Variants in ZFPM2 observed in about 807,000 individuals in gnomAD.
ZFPM2 encodes the protein zinc finger protein, FOG family member 2.
Under a neutral mutation model 98.6 loss-of-function variants are expected in ZFPM2, and 20 were observed. The ratio of observed to expected loss-of-function variants is 0.20; its 90% CI spans 0.14 to 0.29. The LOEUF (loss-of-function observed/expected upper bound fraction) is 0.29. Among genes scored for constraint, ZFPM2 ranks in the 10% least tolerant of loss-of-function variants. The pLI, the probability that ZFPM2 is intolerant of heterozygous loss-of-function variation, is 1.00. For synonymous variants in ZFPM2, 518 were observed against 502.7 expected, an observed-to-expected ratio of 1.03 and a Z score of -0.41; for missense variants, 1,310 against 1,388.6, an observed-to-expected ratio of 0.94 and a Z score of 0.90.
intron 6 of ZFPM2, 194 bp from the exon 7 acceptor site, chr8:105,798,530 A>G: frequency 1.9e-6 from 1 of 518,430 alleles, no homozygotes; most frequent in South Asian, 3.4e-5. Context: ...GTGGGAAGTT[A>G]AATTGCAGAG....
At chr8:105,699,942 A>G (rs1322587444) in intron 5 of ZFPM2, among the ~76,000 whole-genome samples, 1 of 152,208 alleles carries the variant, frequency 6.6e-6, no homozygotes, top group African/African-American at 2.4e-5. Flanking sequence ...TAAACTCAGA[A>G]TTATTATTGA....
chr8:105,730,353 A>G (rs1371679953), intron 5 of ZFPM2, among the ~76,000 whole-genome samples: 1 of 151,774 alleles, frequency 6.6e-6, no homozygotes, highest in Non-Finnish European at 1.5e-5. Flanking sequence ...CTATTGGACT[A>G]TTTAATTCCA....
intron 3 of ZFPM2, among the ~76,000 whole-genome samples, chr8:105,487,143 C>T (rs1484173630): frequency 1.3e-5 from 2 of 152,100 alleles, no homozygotes; most frequent in Admixed American, 6.5e-5. Context: ...GATAGAGTCT[C>T]TCTCTGCCAC....
chr8:105,585,865 G>C (rs1375650627), intron 4 of ZFPM2, among the ~76,000 whole-genome samples: 1 of 151,982 alleles, frequency 6.6e-6, no homozygotes, highest in Non-Finnish European at 1.5e-5. Context: ...AAAATATAAA[G>C]AGAACCTAAG....
intron 1 of ZFPM2, among the ~76,000 whole-genome samples, chr8:105,353,029 C>T (rs1390546206): frequency 2.0e-5 from 3 of 152,142 alleles, no homozygotes; most frequent in Admixed American, 2.0e-4. Flanking sequence ...TGAAAACATA[C>T]TACCTAGAGA....
chr8:105,494,784 GGAT>G (rs1399195532), intron 3 of ZFPM2, among the ~76,000 whole-genome samples: 3 of 152,036 alleles, frequency 2.0e-5, no homozygotes, highest in African/African-American at 7.2e-5. Flanking sequence ...GCTTAGGGCA[GGAT>G]TTGGAAACCT....
chr8:105,566,160 A>T (rs1427709751), intron 4 of ZFPM2, among the ~76,000 whole-genome samples: 2 of 152,166 alleles, frequency 1.3e-5, no homozygotes, highest in Admixed American at 6.5e-5. Context: ...TGTTAATTTC[A>T]TTCAGAAACG....
intron 3 of ZFPM2, among the ~76,000 whole-genome samples, chr8:105,464,085 C>T: frequency 6.6e-6 from 1 of 152,004 alleles, no homozygotes; most frequent in East Asian, 1.9e-4. Flanking sequence ...TTGGGACTTG[C>T]CTTCCACAGA....
intron 4 of ZFPM2, among the ~76,000 whole-genome samples, chr8:105,592,983 A>G (rs553032566): frequency 4.6e-5 from 7 of 152,230 alleles, no homozygotes; most frequent in African/African-American, 1.2e-4. Flanking sequence ...AAGTTTGCAT[A>G]TTTTTGTTAT....
intron 5 of ZFPM2, among the ~76,000 whole-genome samples, chr8:105,714,157 T>G (rs182030859): frequency 6.6e-6 from 1 of 152,190 alleles, no homozygotes; most frequent in African/African-American, 2.4e-5. Flanking sequence ...TAATTCTCCT[T>G]GTAGAGATCT....
chr8:105,667,213 T>C (rs1193319693), intron 5 of ZFPM2, among the ~76,000 whole-genome samples: 1 of 152,182 alleles, frequency 6.6e-6, no homozygotes, highest in Non-Finnish European at 1.5e-5. Context: ...AAATTAGAAT[T>C]TTTGAAATTC....
intron 3 of ZFPM2, among the ~76,000 whole-genome samples, chr8:105,482,364 C>T (rs973073242): frequency 6.6e-6 from 1 of 152,036 alleles, no homozygotes; most frequent in Non-Finnish European, 1.5e-5. Flanking sequence ...ATGAATGTAG[C>T]ATACAGGCAG....
rs143621882 is a variant in ZFPM2 at position 105,574,872 on chromosome 8, A to G, written c.420+13391A>G. ...ATATTAGTGCATTTAAAGGTACCCA[A>G]TTATATCCATGTGTGCATCTGAGAT... On this transcript the variant is annotated intron_variant, in intron 4 of 7. Transcript: ENST00000407775. Among the ~76,000 whole-genome samples the G allele has an allele frequency of 3.8e-3, 578 of 151,350 alleles. 4 individuals are homozygous for G. Among genetic ancestry groups the G allele is most frequent in the Middle Eastern group, 0.017 (5 of 292 alleles).
chr8:105,732,761 G>A lies in ZFPM2; in HGVS notation c.533-55957G>A, dbSNP rs550129881. 7.9e-5 allele frequency among the ~76,000 whole-genome samples: 12 copies of A among 151,918 alleles called. No individual in the cohort carries two copies. The South Asian group carries it at 2.5e-3, about 32-fold the overall frequency. On this transcript the variant is annotated intron_variant, in intron 5 of 7. Coordinates refer to ENST00000407775, the MANE Select transcript of ZFPM2 (RefSeq NM_012082.4). ...AGCTACTGGAGCAATGGGCGGTAAA[G>A]ACATTGGACTGAAGCATTGCAGTTC...
At chr8:105,725,845 T>G (rs1645559437) in intron 5 of ZFPM2, among the ~76,000 whole-genome samples, 1 of 151,632 alleles carries the variant, frequency 6.6e-6, no homozygotes, top group Non-Finnish European at 1.5e-5. Flanking sequence ...TTCAAGTAGG[T>G]TTTCTTTCAG....
intron 1 of ZFPM2, among the ~76,000 whole-genome samples, chr8:105,343,550 AG>A (rs1433975707): frequency 6.6e-6 from 1 of 152,152 alleles, no homozygotes; most frequent in Non-Finnish European, 1.5e-5. Flanking sequence ...ATAATTCCAG[AG>A]GGTGCTCTGG....
chr8:105,363,665 T>G (rs919948352), intron 1 of ZFPM2, among the ~76,000 whole-genome samples: 3 of 152,122 alleles, frequency 2.0e-5, no homozygotes, highest in Admixed American at 2.0e-4. Context: ...TGAGGCCATG[T>G]GCTGACACAC....
chr8:105,330,942 C>G (rs569571045), intron 1 of ZFPM2, among the ~76,000 whole-genome samples: 2 of 150,800 alleles, frequency 1.3e-5, no homozygotes, highest in East Asian at 3.9e-4. Context: ...TTGTCAAATG[C>G]CAATTGCTTT....
chr8:105,746,749 G>A (rs149440611), intron 5 of ZFPM2, among the ~76,000 whole-genome samples: 3 of 142,826 alleles, frequency 2.1e-5, no homozygotes, highest in African/African-American at 7.7e-5. Context: ...ACATTCAAAT[G>A]TAAGTGAAAA....
Sources: allele counts gnomAD v4.1 joint callset (sites outside exome capture counted in the v4.1 genomes callset), GRCh38; gene constraint gnomAD v4.1.1; transcripts MANE v1.5; gene names NCBI Gene and HGNC (gene_info 2026-07-23, HGNC 2026-07-21).